Variants in NRXN1 observed in about 807,000 individuals in gnomAD.
The protein encoded by NRXN1 is neurexin-1.
In NRXN1, 39 loss-of-function variants were observed where a neutral mutation model predicts 150.9. That is an observed-to-expected ratio of 0.26 (90% CI 0.20 to 0.34). The LOEUF (loss-of-function observed/expected upper bound fraction) is 0.34. Among genes scored for constraint, NRXN1 ranks in the 10% least tolerant of loss-of-function variants. NRXN1 has a pLI of 1.00. For missense variants in NRXN1, 1,815 were observed against 1,949.9 expected (o/e 0.93, Z 1.30); for synonymous variants, 924 against 757.0 (o/e 1.22, Z -3.62).
intron 5 of NRXN1, among the ~76,000 whole-genome samples, chr2:50,670,551 A>C (rs573811340): frequency 6.6e-6 from 1 of 152,054 alleles, no homozygotes; most frequent in East Asian, 1.9e-4. Flanking sequence ...ATAGTTATTA[A>C]AAGAAACTAA....
intron 21 of NRXN1, among the ~76,000 whole-genome samples, chr2:50,033,509 C>T (rs1007912472): frequency 6.6e-6 from 1 of 151,766 alleles, no homozygotes; most frequent in African/African-American, 2.4e-5. Flanking sequence ...TGTAAAACCC[C>T]AAACTACAAA....
intron 5 of NRXN1, among the ~76,000 whole-genome samples, chr2:50,683,812 T>A (rs1367107600): frequency 6.7e-6 from 1 of 150,352 alleles, no homozygotes; most frequent in Non-Finnish European, 1.5e-5. Context: ...CTTTGGGTTA[T>A]CAAAAAGAAG....
chr2:49,952,389 G>A (rs1296594863), intron 21 of NRXN1, among the ~76,000 whole-genome samples: 4 of 152,132 alleles, frequency 2.6e-5, no homozygotes, highest in Middle Eastern at 3.4e-3. Flanking sequence ...TGATATGGCA[G>A]CACATCATGT....
chr2:50,133,638 G>A (rs1369137431), intron 18 of NRXN1, among the ~76,000 whole-genome samples: 1 of 152,130 alleles, frequency 6.6e-6, no homozygotes, highest in East Asian at 1.9e-4. Flanking sequence ...TAAAGCCACA[G>A]ACAAGGGAGA....
In NRXN1 at chr2:50,414,405, G is replaced by T. The variant is rs554922118; in HGVS notation, c.3364+51037C>A. ...TACCTTTTTTGGGGGAATATTTTTC[G>T]AAATATACCCCATAAATATACTCCA... On this transcript the variant is annotated intron_variant, in intron 17 of 22. Coordinates refer to ENST00000401669, the MANE Select transcript of NRXN1 (RefSeq NM_001330078.2). Among the ~76,000 whole-genome samples the T allele has an allele frequency of 1.3e-4, 20 of 151,446 alleles. No individual in the cohort carries two copies. The South Asian group carries it at 4.2e-3, about 32-fold the overall frequency.
rs930436883 is a variant in NRXN1 at position 50,448,738 on chromosome 2, T to C, written c.3364+16704A>G. 6.6e-5 allele frequency among the ~76,000 whole-genome samples: 10 copies of C among 152,188 alleles called. No homozygotes were observed. The East Asian group carries it at 1.9e-3, about 29-fold the overall frequency. Reference sequence around the variant, plus strand: ...CACTAAAGAGCACCGGAGTGGATTATTACCGTTTCCTTTTGTGCTTTGGCA... The same window carrying C: ...CACTAAAGAGCACCGGAGTGGATTACTACCGTTTCCTTTTGTGCTTTGGCA... On this transcript the variant is annotated intron_variant, in intron 17 of 22. Coordinates refer to ENST00000401669, the MANE Select transcript of NRXN1 (RefSeq NM_001330078.2).
intron 18 of NRXN1, among the ~76,000 whole-genome samples, chr2:50,144,552 T>A (rs1298188882): frequency 6.6e-6 from 1 of 151,944 alleles, no homozygotes; most frequent in South Asian, 2.1e-4. Context: ...AGGGGGAAAC[T>A]GGGCATATTT....
chr2:49,943,960 C>T (rs1672451649), intron 21 of NRXN1, among the ~76,000 whole-genome samples, 169 bp from the exon 22 acceptor site: 1 of 152,194 alleles, frequency 6.6e-6, no homozygotes, highest in African/African-American at 2.4e-5. Context: ...GAAGTAACTG[C>T]CTATTTGTGA....
chr2:50,292,948 A>C (rs577321269), intron 17 of NRXN1, among the ~76,000 whole-genome samples: 34 of 152,338 alleles, frequency 2.2e-4, no homozygotes, highest in African/African-American at 7.0e-4. Context: ...ACCTCAATAA[A>C]TATTAGTGAA....
chr2:50,053,805 T>G (rs1192553497), intron 20 of NRXN1, among the ~76,000 whole-genome samples: 1 of 152,236 alleles, frequency 6.6e-6, no homozygotes, highest in African/African-American at 2.4e-5. Flanking sequence ...ATAAATGTAG[T>G]GCTTTTGCTA....
At chr2:50,395,384 A>G (rs1380355848) in intron 17 of NRXN1, among the ~76,000 whole-genome samples, 3 of 151,474 alleles carry the variant, frequency 2.0e-5, no homozygotes, top group Admixed American at 6.6e-5. Context: ...TTTATTAAAC[A>G]TACTCTTCTA....
At chr2:50,068,373 GA>G (rs1172983599) in intron 19 of NRXN1, among the ~76,000 whole-genome samples, 1 of 135,458 alleles carries the variant, frequency 7.4e-6, no homozygotes, top group African/African-American at 2.7e-5. Context: ...CTATGGATAT[GA>G]ATTTAAATTC....
At chr2:50,096,059 A>G (rs1033829676) in intron 18 of NRXN1, among the ~76,000 whole-genome samples, 4 of 151,332 alleles carry the variant, frequency 2.6e-5, no homozygotes, top group African/African-American at 9.7e-5. Context: ...TGTTGCCTCA[A>G]CTTCAAATGT....
chr2:50,099,930 T>C (rs1700772013), intron 18 of NRXN1, among the ~76,000 whole-genome samples: 1 of 152,114 alleles, frequency 6.6e-6, no homozygotes, highest in Non-Finnish European at 1.5e-5. Flanking sequence ...ACAACATCCA[T>C]GTCCCCTCCC....
intron 17 of NRXN1, among the ~76,000 whole-genome samples, chr2:50,434,911 T>A (rs1253590321): frequency 6.6e-6 from 1 of 152,178 alleles, no homozygotes; most frequent in Non-Finnish European, 1.5e-5. Context: ...TATATCTGTG[T>A]CAGGATACAG....
intron 10 of NRXN1, among the ~76,000 whole-genome samples, chr2:50,537,185 T>C (rs2093280865): frequency 6.6e-6 from 1 of 152,108 alleles, no homozygotes; most frequent in Non-Finnish European, 1.5e-5. Context: ...AACTGAACTA[T>C]TTCAGGAATA....
chr2:50,329,649 A>G lies in NRXN1; in HGVS notation c.3365-92679T>C, dbSNP rs1339742194. On this transcript the variant is annotated intron_variant, in intron 17 of 22. Coordinates refer to ENST00000401669, the MANE Select transcript of NRXN1 (RefSeq NM_001330078.2). Reference sequence around the variant, plus strand: ...TATATATATATATATATATATATATATATATATATATATATATATATATAT... The same window carrying G: ...TATATATATATATATATATATATATGTATATATATATATATATATATATAT... 5.0e-4 allele frequency among the ~76,000 whole-genome samples: 11 copies of G among 22,014 alleles called. 2 individuals carry two copies. In the East Asian group the frequency reaches 0.078, roughly 156 times the overall value. The allele number at this position is 22,014 out of a possible 152,430, so 14.4% of individuals were successfully genotyped here.
chr2:50,055,009 G>T lies in NRXN1; in HGVS notation c.3754C>A (p.Gln1252Lys). 6.2e-7 allele frequency: 1 copy of T among 1,601,990 alleles called. No individual in the cohort carries two copies. Among genetic ancestry groups the T allele is most frequent in the Non-Finnish European group, 8.5e-7 (1 of 1,175,380 alleles). The change falls in exon 20 of 23, where the codon CAG (glutamine) becomes AAG (lysine). Residue 1252 changes from glutamine (Q) to lysine (K), a missense_variant. Transcript: ENST00000401669. ...CGACCAAGTCGATATGGAATTCGCT[G>T]TCTAGCAATCGCCAGGCGCTCGTTA... Reference protein sequence around the residue: ...NDNERLAIARQRIPYRLGRVV... With the variant: ...NDNERLAIARKRIPYRLGRVV...
chr2:50,347,292 G>GA lies in NRXN1; in HGVS notation c.3365-110323dup. The GA allele has an allele frequency of 7.8e-7, 1 of 1,285,682 alleles. No individual in the cohort carries two copies. Among genetic ancestry groups the GA allele is most frequent in the Non-Finnish European group, 1.0e-6 (1 of 989,542 alleles). 79.6% of individuals were successfully genotyped at this position (1,285,682 alleles called of 1,614,324 possible). ...GAGATACTCCCAAAGAGTTTCGGGC[G>GA]AGAGTGCGTGCCGGCGGGTGGGGGG... On this transcript the variant is annotated intron_variant, in intron 17 of 22. Transcript: ENST00000401669. This position sits in a 1 kb window ranked among gnomAD's most constrained non-coding sequence, Gnocchi z 4.9.
Sources: gnomAD v4.1 joint callset for allele counts (sites outside exome capture counted in the v4.1 genomes callset) on GRCh38, gnomAD v4.1.1 for gene constraint, Gnocchi (gnomAD v3.1) non-coding constraint, MANE v1.5 for transcripts, NCBI Gene and HGNC (gene_info 2026-07-23, HGNC 2026-07-21) for gene names.